DPYD: variants seen among roughly 807,000 people sequenced by gnomAD.
The protein encoded by DPYD is dihydropyrimidine dehydrogenase.
A neutral mutation model predicts 116.2 loss-of-function variants in DPYD; 109 were observed. That is an observed-to-expected ratio of 0.94 (90% CI 0.80 to 1.10). DPYD has a LOEUF of 1.10. Among genes scored for constraint, DPYD ranks in the 50% least tolerant of loss-of-function variants. The pLI, the probability that DPYD is intolerant of heterozygous loss-of-function variation, is 0.00. For synonymous variants in DPYD, 440 were observed against 432.0 expected, an observed-to-expected ratio of 1.02 and a Z score of -0.23; for missense variants, 1,302 against 1,254.5, an observed-to-expected ratio of 1.04 and a Z score of -0.57.
rs770028815 is a variant in DPYD, at chr1:97,799,223, T to C, written c.233+28891A>G. On this transcript the variant is annotated intron_variant, in intron 3 of 22. Coordinates refer to ENST00000370192, the MANE Select transcript of DPYD (RefSeq NM_000110.4). ...CAGTGGTACACCTCCTCTAGCCCTA[T>C]AGAATGCAAAATGGAAGCACAGAGA... Among the ~76,000 whole-genome samples the C allele has an allele frequency of 3.3e-5, 5 of 151,766 alleles. No homozygotes were observed. In the East Asian group the frequency reaches 5.8e-4, roughly 18 times the overall value.
chr1:97,161,608 A>G (rs1324209383), intron 20 of DPYD, among the ~76,000 whole-genome samples: 2 of 151,786 alleles, frequency 1.3e-5, no homozygotes, highest in Admixed American at 6.6e-5. Context: ...TTTAGGGTAC[A>G]TGTGCACAAT....
intron 13 of DPYD, among the ~76,000 whole-genome samples, chr1:97,511,658 C>A (rs1647809870): frequency 1.3e-5 from 2 of 151,844 alleles, no homozygotes; most frequent in African/African-American, 4.8e-5. Context: ...GAACATATTT[C>A]TAAAACAGAT....
At position 97,569,541 on chromosome 1, in the gene DPYD, A is replaced by G. The variant is rs540177558; in HGVS notation, c.1339+4219T>C. ...AATGGACAATATTTGTAAAGCAGAA[A>G]TGCAGTTACAGAAAGTTTGTGCTTA... On this transcript the variant is annotated intron_variant, in intron 11 of 22. Coordinates refer to ENST00000370192, the MANE Select transcript of DPYD (RefSeq NM_000110.4). Among the ~76,000 whole-genome samples the G allele has an allele frequency of 2.6e-5, 4 of 151,546 alleles. No individual in the cohort carries two copies. In the East Asian group the frequency reaches 7.7e-4, roughly 29 times the overall value.
chr1:97,898,850 A>C (rs531843141), intron 1 of DPYD, among the ~76,000 whole-genome samples: 1 of 152,052 alleles, frequency 6.6e-6, no homozygotes, highest in African/African-American at 2.4e-5. Flanking sequence ...CCACCATGTA[A>C]GATGTGCCTT....
intron 18 of DPYD, among the ~76,000 whole-genome samples, chr1:97,287,538 C>T (rs1428671098): frequency 1.3e-5 from 2 of 152,122 alleles, no homozygotes; most frequent in East Asian, 1.9e-4. Context: ...AGAGGTGGAG[C>T]CTACAGAGGC....
chr1:97,679,331 G>A (rs1660316686), intron 7 of DPYD, 149 bp from the exon 8 acceptor site: 1 of 535,608 alleles, frequency 1.9e-6, no homozygotes, highest in Admixed American at 3.0e-5. Context: ...TAGTATATAG[G>A]TTTACATACA....
chr1:97,215,947 G>A (rs533970259), intron 19 of DPYD, among the ~76,000 whole-genome samples: 3 of 152,216 alleles, frequency 2.0e-5, no homozygotes, highest in Non-Finnish European at 4.4e-5. Flanking sequence ...GATCACCTGC[G>A]GTAATTGCAA....
At chr1:97,410,217 C>T (rs1673905612) in intron 14 of DPYD, among the ~76,000 whole-genome samples, 1 of 151,944 alleles carries the variant, frequency 6.6e-6, no homozygotes, top group Non-Finnish European at 1.5e-5. Context: ...AATGTAAGCT[C>T]CAATAAAGTG....
chr1:97,291,500 T>C (rs1232437940), intron 18 of DPYD, among the ~76,000 whole-genome samples: 1 of 152,112 alleles, frequency 6.6e-6, no homozygotes, highest in Non-Finnish European at 1.5e-5. Context: ...TGGAATACTA[T>C]GCAGCCATAA....
chr1:97,705,303 C>G (rs1299325811), intron 5 of DPYD, among the ~76,000 whole-genome samples: 6 of 152,018 alleles, frequency 3.9e-5, no homozygotes, highest in Non-Finnish European at 8.8e-5. Context: ...CAACAACAGT[C>G]CCCGGTGTGT....
intron 2 of DPYD, among the ~76,000 whole-genome samples, chr1:97,852,036 A>C (rs1428429959): frequency 6.7e-6 from 1 of 150,178 alleles, no homozygotes; most frequent in Non-Finnish European, 1.5e-5. Flanking sequence ...AAAAAAAAAA[A>C]AAGAAAGAAA....
At chr1:97,863,830 C>T (rs893460462) in intron 2 of DPYD, among the ~76,000 whole-genome samples, 1 of 151,892 alleles carries the variant, frequency 6.6e-6, no homozygotes, top group African/African-American at 2.4e-5. Context: ...TGTCCAGAGG[C>T]AACTTATCTC....
intron 18 of DPYD, among the ~76,000 whole-genome samples, chr1:97,297,237 A>C (rs1050651253): frequency 6.6e-6 from 1 of 152,282 alleles, no homozygotes; most frequent in African/African-American, 2.4e-5. Flanking sequence ...GGCCTGACCA[A>C]ATTCCTTTCT....
intron 14 of DPYD, among the ~76,000 whole-genome samples, chr1:97,423,127 T>C (rs1674674730): frequency 6.6e-6 from 1 of 151,956 alleles, no homozygotes; most frequent in African/African-American, 2.4e-5. Flanking sequence ...AAGCAGACAG[T>C]AGCCACATAA....
At chr1:97,767,199 C>A (rs1003078752) in intron 3 of DPYD, among the ~76,000 whole-genome samples, 1 of 152,090 alleles carries the variant, frequency 6.6e-6, no homozygotes, top group Non-Finnish European at 1.5e-5. Context: ...GATGTTAGAA[C>A]TGGATTCAAT....
chr1:97,095,484 T>G (rs920063887), intron 21 of DPYD, among the ~76,000 whole-genome samples: 6 of 151,960 alleles, frequency 3.9e-5, no homozygotes, highest in Admixed American at 3.3e-4. Context: ...AATACAAATA[T>G]TAAAATCCTA....
intron 3 of DPYD, chr1:97,775,040 A>T: frequency 4.7e-6 from 1 of 214,660 alleles, no homozygotes; most frequent in East Asian, 1.3e-4. Flanking sequence ...TGGGGTTTAT[A>T]TGTAGATTAT....
At chr1:97,292,415 T>A (rs1666256121) in intron 18 of DPYD, among the ~76,000 whole-genome samples, 1 of 152,062 alleles carries the variant, frequency 6.6e-6, no homozygotes, top group Admixed American at 6.5e-5. Flanking sequence ...CAGAGTGAAG[T>A]GGGGGAAAAG....
chr1:97,352,268 C>A (rs1357726938), intron 16 of DPYD, among the ~76,000 whole-genome samples: 1 of 152,194 alleles, frequency 6.6e-6, no homozygotes, highest in Admixed American at 6.5e-5. Flanking sequence ...ACATAACCAA[C>A]TAAGGAATAT....
Sources: gnomAD v4.1 joint callset for allele counts (sites outside exome capture counted in the v4.1 genomes callset) on GRCh38, gnomAD v4.1.1 for gene constraint, MANE v1.5 for transcripts, NCBI Gene and HGNC (gene_info 2026-07-23, HGNC 2026-07-21) for gene names.